The following MED13L variants were observed in gnomAD, a reference collection of about 807,000 sequenced individuals.
The protein encoded by MED13L is mediator complex subunit 13L, also known as mediator of RNA polymerase II transcription subunit 13-like.
Under a neutral mutation model 220.9 loss-of-function variants are expected in MED13L, and 7 were observed. That is an observed-to-expected ratio of 0.03 (90% CI 0.02 to 0.06). The LOEUF (loss-of-function observed/expected upper bound fraction) is 0.06. MED13L is among the 10% of genes least tolerant of loss of function. The pLI is 1.00. For missense variants in MED13L, 1,965 were observed against 2,760.5 expected (o/e 0.71, Z 6.46); for synonymous variants, 1,011 against 1,015.2 (o/e 1.00, Z 0.08).
Position 116,223,657 on chromosome 12 carries a change from T to A in MED13L, c.310+13811A>T, listed in dbSNP as rs568562180. ...AGGTGGAGGTTGCGGTGAGCAGAGA[T>A]CACACCATTGCACTCCAGCCTGGGC... On this transcript the variant is annotated intron_variant, in intron 2 of 30. Coordinates refer to ENST00000281928, the MANE Select transcript of MED13L (RefSeq NM_015335.5). 7.4e-4 allele frequency among the ~76,000 whole-genome samples: 112 copies of A among 151,938 alleles called. 1 individual carries two copies. Among genetic ancestry groups the A allele is most frequent in the African/African-American group, 2.5e-3 (105 of 41,420 alleles).
At chr12:116,155,491 G>GT (rs1347240253) in intron 2 of MED13L, among the ~76,000 whole-genome samples, 1 of 152,120 alleles carries the variant, frequency 6.6e-6, no homozygotes, top group African/African-American at 2.4e-5. Context: ...TCAATTAAAT[G>GT]TAACGATGAA....
intron 4 of MED13L, among the ~76,000 whole-genome samples, chr12:116,029,527 A>G (rs1200932255): frequency 6.6e-6 from 1 of 152,198 alleles, no homozygotes; most frequent in African/African-American, 2.4e-5. Flanking sequence ...CATGCAAAGT[A>G]AAATTACACC....
intron 2 of MED13L, among the ~76,000 whole-genome samples, chr12:116,141,582 TCTA>T (rs1160601148): frequency 6.6e-6 from 1 of 152,160 alleles, no homozygotes; most frequent in Non-Finnish European, 1.5e-5. Flanking sequence ...CTCTTGACAG[TCTA>T]CATCCAGGTA....
intron 2 of MED13L, among the ~76,000 whole-genome samples, chr12:116,140,361 A>G (rs1463480590): frequency 1.3e-5 from 2 of 152,184 alleles, no homozygotes; most frequent in Non-Finnish European, 2.9e-5. Context: ...GGGATACATT[A>G]AACATTCAAT....
intron 4 of MED13L, among the ~76,000 whole-genome samples, chr12:116,045,712 C>T (rs1881792280): frequency 6.6e-6 from 1 of 151,998 alleles, no homozygotes; most frequent in South Asian, 2.1e-4. Flanking sequence ...ATTAGGATTA[C>T]CAAACGGGAT....
chr12:116,171,730 T>C (rs1304702557), intron 2 of MED13L, among the ~76,000 whole-genome samples: 3 of 152,204 alleles, frequency 2.0e-5, no homozygotes, highest in South Asian at 4.1e-4. Flanking sequence ...ATAGCCTCGA[T>C]ACCATGTTAG....
At chr12:116,103,924 G>A (rs1201198490) in intron 3 of MED13L, among the ~76,000 whole-genome samples, 1 of 151,460 alleles carries the variant, frequency 6.6e-6, no homozygotes, top group Non-Finnish European at 1.5e-5. Flanking sequence ...CTTCAACTAG[G>A]GCGGTACATC....
Position 116,216,198 on chromosome 12 carries a change from G to C in MED13L, c.310+21270C>G, listed in dbSNP as rs1882986239. On this transcript the variant is annotated intron_variant, in intron 2 of 30. Transcript: ENST00000281928. Reference sequence around the variant, plus strand: ...CTCTGAAGCTTTATTTATTTATTTAGAGACGGGGTCTCACTGTGTTGTCCA... The same window carrying C: ...CTCTGAAGCTTTATTTATTTATTTACAGACGGGGTCTCACTGTGTTGTCCA... 2.0e-5 allele frequency among the ~76,000 whole-genome samples: 3 copies of C among 152,126 alleles called. No homozygotes were observed. In the South Asian group the frequency reaches 6.2e-4, roughly 32 times the overall value.
chr12:115,989,970 A>G (rs926717622), intron 17 of MED13L, among the ~76,000 whole-genome samples: 2 of 152,204 alleles, frequency 1.3e-5, no homozygotes, highest in African/African-American at 4.8e-5. Context: ...ATCTGACATC[A>G]GTGCTTCTTC....
chr12:115,975,854 C>T, intron 23 of MED13L, 116 bp from the exon 24 acceptor site: 1 of 872,204 alleles, frequency 1.1e-6, no homozygotes, highest in South Asian at 1.4e-5. Context: ...AATCGTTTCT[C>T]TCTCTCTCTC....
At chr12:116,140,246 G>A (rs1405033191) in intron 2 of MED13L, among the ~76,000 whole-genome samples, 14 of 151,932 alleles carry the variant, frequency 9.2e-5, no homozygotes, top group Non-Finnish European at 1.5e-5. Context: ...CGTGATTATT[G>A]TCTACCTCCT....
chr12:116,200,020 G>A (rs1452773815), intron 2 of MED13L, among the ~76,000 whole-genome samples: 4 of 150,246 alleles, frequency 2.7e-5, no homozygotes, highest in East Asian at 1.9e-4. Flanking sequence ...AAGTCCGGGC[G>A]CCATGGCTCA....
chr12:115,970,081 A>C (rs1268046101), intron 27 of MED13L, among the ~76,000 whole-genome samples: 1 of 152,222 alleles, frequency 6.6e-6, no homozygotes, highest in Non-Finnish European at 1.5e-5. Context: ...TTTCTTCAAA[A>C]ACAATGCAAA....
chr12:116,015,009 A>G lies in MED13L; in HGVS notation c.1175+100T>C, dbSNP rs1879638624. On this transcript the variant is annotated intron_variant, in intron 8 of 30. Coordinates refer to ENST00000281928, the MANE Select transcript of MED13L (RefSeq NM_015335.5). ...ATGAAATACCAATGATGACCTCTCA[A>G]GTTTGGTCACACAATAGTGCAATGT... is the stretch of plus-strand genomic sequence containing the variant. The G allele has an allele frequency of 1.6e-5, 18 of 1,160,482 alleles. No individual in the cohort carries two copies. The South Asian group carries it at 2.1e-4, about 14-fold the overall frequency. The allele number at this position is 1,160,482 out of a possible 1,614,324, so 71.9% of individuals were successfully genotyped here. A position where few individuals can be genotyped will look rare whatever the true frequency, so the allele number is the denominator to read the frequency against.
chr12:116,050,942 A>G (rs1378792391), intron 4 of MED13L, among the ~76,000 whole-genome samples: 1 of 152,142 alleles, frequency 6.6e-6, no homozygotes, highest in Non-Finnish European at 1.5e-5. Flanking sequence ...CAAGAAAAAC[A>G]ACAACAAAAA....
intron 4 of MED13L, among the ~76,000 whole-genome samples, chr12:116,039,684 T>C (rs961988879): frequency 2.6e-5 from 4 of 152,092 alleles, no homozygotes; most frequent in Non-Finnish European, 5.9e-5. Context: ...GAGGCAGAGA[T>C]GACAGCTAGA....
intron 2 of MED13L, among the ~76,000 whole-genome samples, chr12:116,135,661 A>G (rs1297526556): frequency 2.6e-5 from 4 of 152,190 alleles, no homozygotes; most frequent in Non-Finnish European, 4.4e-5. Context: ...AGGAAGTAGT[A>G]TTTGTTCTAA....
chr12:116,269,233 A>G (rs1023671185), intron 1 of MED13L, among the ~76,000 whole-genome samples: 10 of 151,632 alleles, frequency 6.6e-5, no homozygotes, highest in African/African-American at 2.4e-4. Context: ...TACTTTTTGT[A>G]TTTTCAGTAG....
intron 2 of MED13L, among the ~76,000 whole-genome samples, chr12:116,234,960 G>A (rs556647632): frequency 2.6e-5 from 4 of 152,120 alleles, no homozygotes; most frequent in East Asian, 1.9e-4. Flanking sequence ...ACCATGCTCC[G>A]CCTATAATTT....
Sources: gnomAD v4.1 joint callset for allele counts (sites outside exome capture counted in the v4.1 genomes callset) on GRCh38, gnomAD v4.1.1 for gene constraint, MANE v1.5 for transcripts, NCBI Gene and HGNC (gene_info 2026-07-23, HGNC 2026-07-21) for gene names.